CDC42BPB: variants seen among roughly 807,000 people sequenced by gnomAD.
The protein encoded by CDC42BPB is CDC42 binding protein kinase beta, also known as serine/threonine-protein kinase MRCK beta.
In CDC42BPB, 37 loss-of-function variants were observed where a neutral mutation model predicts 214.9. The observed-to-expected ratio is 0.17, with a 90% CI of 0.13 to 0.23. CDC42BPB has a LOEUF of 0.23. Ranked by LOEUF, CDC42BPB falls within the 10% of genes least tolerant of loss-of-function variation. The pLI is 1.00. For synonymous variants in CDC42BPB, 931 were observed against 884.0 expected (o/e 1.05, Z -0.94); for missense variants, 1,694 against 2,227.0 (o/e 0.76, Z 4.82).
chr14:103,003,164 C>T (rs899542563), intron 4 of CDC42BPB, among the ~76,000 whole-genome samples: 5 of 152,174 alleles, frequency 3.3e-5, no homozygotes, highest in Non-Finnish European at 7.3e-5. Flanking sequence ...TGGGCTGAGA[C>T]CTCCTTCTCT....
rs186556504 is a variant in CDC42BPB, at chr14:103,022,229, C to G, written c.176-10041G>C. On this transcript the variant is annotated intron_variant, in intron 1 of 36. Coordinates refer to ENST00000361246, the MANE Select transcript of CDC42BPB (RefSeq NM_006035.4). ...ATGACAACCAGGAATTACCTACTGG[C>G]TTTTGCCACGTGGAGACCACAGGTG... is the stretch of plus-strand genomic sequence containing the variant. Among the ~76,000 whole-genome samples the G allele has an allele frequency of 4.6e-3, 703 of 152,296 alleles. 6 individuals carry two copies. Among genetic ancestry groups the G allele is most frequent in the African/African-American group, 0.016 (677 of 41,560 alleles).
At chr14:102,957,197 T>TC (rs1892749301) in intron 21 of CDC42BPB, among the ~76,000 whole-genome samples, 3 of 68,374 alleles carry the variant, frequency 4.4e-5, no homozygotes, top group Non-Finnish European at 7.6e-5. Context: ...TAAGACTGTC[T>TC]CAAAAAAAAA....
At chr14:103,029,225 C>T (rs1031866290) in intron 1 of CDC42BPB, among the ~76,000 whole-genome samples, 1 of 152,132 alleles carries the variant, frequency 6.6e-6, no homozygotes, top group Non-Finnish European at 1.5e-5. Flanking sequence ...TTATATGAAA[C>T]TTCTAGGACC....
In CDC42BPB at chr14:102,966,238, C is replaced by T. The variant is rs750448913; in HGVS notation, c.2577+44G>A. The T allele has an allele frequency of 1.2e-5, 17 of 1,376,824 alleles. No individual in the cohort carries two copies. The African/African-American group carries it at 1.7e-4, about 14-fold the overall frequency. 85.3% of individuals were successfully genotyped at this position (1,376,824 alleles called of 1,614,324 possible). On this transcript the variant is annotated intron_variant, in intron 18 of 36. Coordinates refer to ENST00000361246, the MANE Select transcript of CDC42BPB (RefSeq NM_006035.4). Reference sequence around the variant, plus strand: ...TCACATTTATACTTAAAACCATTAGCGAATTATTCAGTAATAGAAATGCAG... The same window carrying T: ...TCACATTTATACTTAAAACCATTAGTGAATTATTCAGTAATAGAAATGCAG...
At chr14:103,035,206 T>C (rs1887599576) in intron 1 of CDC42BPB, among the ~76,000 whole-genome samples, 5 of 151,994 alleles carry the variant, frequency 3.3e-5, no homozygotes, top group Admixed American at 3.3e-4. Flanking sequence ...TACAGGCATG[T>C]GCCACCATGC....
At chr14:102,990,207 CAAAT>C (rs1454758191) in intron 5 of CDC42BPB, among the ~76,000 whole-genome samples, 1 of 152,118 alleles carries the variant, frequency 6.6e-6, no homozygotes. Context: ...AACTGTATTT[CAAAT>C]AAATAACAAC....
At chr14:102,948,037 C>T in intron 26 of CDC42BPB, 1 of 905,228 alleles carries the variant, frequency 1.1e-6, no homozygotes, top group Non-Finnish European at 1.3e-6. Context: ...AGCCTCATCC[C>T]CACTGTGCTG....
chr14:102,942,387 A>G (rs995894005), intron 30 of CDC42BPB, among the ~76,000 whole-genome samples: 3 of 152,224 alleles, frequency 2.0e-5, no homozygotes, highest in Non-Finnish European at 2.9e-5. Flanking sequence ...GGGCAGACAA[A>G]GGGGTTTAGC....
intron 36 of CDC42BPB, among the ~76,000 whole-genome samples, chr14:102,937,333 C>T (rs1026559353): frequency 2.0e-5 from 3 of 152,216 alleles, no homozygotes; most frequent in African/African-American, 7.2e-5. Context: ...GTAGGATGGA[C>T]AAAGGATGGA....
intron 5 of CDC42BPB, among the ~76,000 whole-genome samples, chr14:102,988,419 A>AT (rs1894347196): frequency 6.6e-6 from 1 of 152,162 alleles, no homozygotes. Flanking sequence ...AAAAGAAAAT[A>AT]TCAATGTCCT....
intron 26 of CDC42BPB, chr14:102,948,021 C>T (rs1006744074): frequency 1.0e-6 from 1 of 957,834 alleles, no homozygotes; most frequent in Non-Finnish European, 1.2e-6. Flanking sequence ...GCAAGGGAAA[C>T]CCCGGAGCCT....
intron 11 of CDC42BPB, chr14:102,974,465 C>T: frequency 1.5e-6 from 1 of 651,600 alleles, no homozygotes; most frequent in Non-Finnish European, 1.9e-6. Flanking sequence ...CTGTGTCACC[C>T]AGCACAGTGC....
At chr14:102,984,591 T>C (rs1015683882) in intron 6 of CDC42BPB, among the ~76,000 whole-genome samples, 3 of 152,062 alleles carry the variant, frequency 2.0e-5, no homozygotes, top group African/African-American at 7.2e-5. Context: ...TGCAGAAAGC[T>C]GCGAGGGCAC....
At chr14:102,965,499 TCTTA>T (rs1893159788) in intron 18 of CDC42BPB, among the ~76,000 whole-genome samples, 1 of 152,196 alleles carries the variant, frequency 6.6e-6, no homozygotes, top group Admixed American at 6.5e-5. Flanking sequence ...CCTCCTGTTT[TCTTA>T]CTGAGTTGCC....
Position 103,053,745 on chromosome 14 carries a change from G to C in CDC42BPB, c.175+3254C>G, listed in dbSNP as rs925519305. ...CCACTGCACTCCAGCCTGGGCGACA[G>C]AGTGAGACTCCGTCTCAAAAAAAAA... On this transcript the variant is annotated intron_variant, in intron 1 of 36. Transcript: ENST00000361246. 5.4e-5 allele frequency among the ~76,000 whole-genome samples: 8 copies of C among 149,250 alleles called. 1 individual carries two copies. Among genetic ancestry groups the C allele is most frequent in the South Asian group, 2.1e-4 (1 of 4,712 alleles).
intron 1 of CDC42BPB, among the ~76,000 whole-genome samples, chr14:103,019,222 C>T (rs1886634252): frequency 6.6e-6 from 1 of 152,164 alleles, no homozygotes; most frequent in Non-Finnish European, 1.5e-5. Context: ...GGGTGGGCTA[C>T]CACACCTGGC....
Position 103,057,207 on chromosome 14 carries a change from T to C in CDC42BPB, c.-34A>G, listed in dbSNP as rs1053159269. On this transcript the variant is annotated 5_prime_UTR_variant, in exon 1 of 37. Transcript: ENST00000361246. ...GCGGCCCGCTCCCGACGCGCCGGCC[T>C]CTCACCGCCGGCTCGGCCAGTCCGT... 3.0e-6 allele frequency: 4 copies of C among 1,329,236 alleles called. No individual in the cohort carries two copies. Among genetic ancestry groups the C allele is most frequent in the Middle Eastern group, 2.7e-4 (1 of 3,686 alleles). 82.3% of individuals were successfully genotyped at this position (1,329,236 alleles called of 1,614,324 possible). A position where few individuals can be genotyped will look rare whatever the true frequency, so the allele number is the denominator to read the frequency against.
intron 1 of CDC42BPB, among the ~76,000 whole-genome samples, chr14:103,044,068 C>A (rs1036664101): frequency 6.6e-6 from 1 of 152,156 alleles, no homozygotes; most frequent in Non-Finnish European, 1.5e-5. Context: ...CTTCTCAATT[C>A]GCTGCTAGTC....
At chr14:103,038,632 T>G (rs2139735915) in intron 1 of CDC42BPB, among the ~76,000 whole-genome samples, 1 of 145,304 alleles carries the variant, frequency 6.9e-6, no homozygotes, top group Non-Finnish European at 1.5e-5. Context: ...GTTCAAGCAA[T>G]CCTCCCACCT....
Sources: gnomAD v4.1 joint callset for allele counts (sites outside exome capture counted in the v4.1 genomes callset) on GRCh38, gnomAD v4.1.1 for gene constraint, MANE v1.5 for transcripts, NCBI Gene and HGNC (gene_info 2026-07-23, HGNC 2026-07-21) for gene names.